The following CBFA2T3 variants were observed in gnomAD, a reference collection of about 807,000 sequenced individuals.
The protein encoded by CBFA2T3 is CBFA2/RUNX1 partner transcriptional co-repressor 3, also known as transcriptional corepressor CBFA2T3.
In CBFA2T3, 31 loss-of-function variants were observed where a neutral mutation model predicts 58.6. The ratio of observed to expected loss-of-function variants is 0.53; its 90% CI spans 0.40 to 0.71. The LOEUF (loss-of-function observed/expected upper bound fraction) is 0.71. CBFA2T3 is among the 30% of genes least tolerant of loss of function. The pLI is 0.00. For synonymous variants in CBFA2T3, 531 were observed against 421.9 expected, an observed-to-expected ratio of 1.26 and a Z score of -3.17; for missense variants, 1,076 against 963.1, an observed-to-expected ratio of 1.12 and a Z score of -1.55.
intron 1 of CBFA2T3, among the ~76,000 whole-genome samples, chr16:88,970,628 T>C (rs1972629395): frequency 6.6e-6 from 1 of 152,238 alleles, no homozygotes; most frequent in African/African-American, 2.4e-5. Context: ...CCTGAGTTCC[T>C]GGGAAAACTG....
chr16:88,924,490 A>C (rs1328708667), intron 1 of CBFA2T3, among the ~76,000 whole-genome samples: 1 of 152,100 alleles, frequency 6.6e-6, no homozygotes, highest in African/African-American at 2.4e-5. Flanking sequence ...AGCAATGGGC[A>C]GACACAGGCC....
intron 8 of CBFA2T3, 41 bp downstream of exon 8, chr16:88,882,635 T>C: frequency 7.4e-7 from 1 of 1,352,288 alleles, no homozygotes; most frequent in Non-Finnish European, 1.0e-6. Context: ...GCTGTGCGCC[T>C]GGGCATGGCT....
chr16:88,901,068 C>G (rs763759397), intron 2 of CBFA2T3, among the ~76,000 whole-genome samples: 1 of 152,262 alleles, frequency 6.6e-6, no homozygotes, highest in Non-Finnish European at 1.5e-5. Flanking sequence ...ACGCAGGTGA[C>G]CTGCTGTATG....
At chr16:88,940,265 C>A (rs1971670263) in intron 1 of CBFA2T3, 1 of 155,914 alleles carries the variant, frequency 6.4e-6, no homozygotes, top group South Asian at 1.8e-4. Flanking sequence ...GGAGCGCCAG[C>A]CCCGCAGTGT....
At chr16:88,960,855 A>T (rs1402332672) in intron 1 of CBFA2T3, among the ~76,000 whole-genome samples, 1 of 152,218 alleles carries the variant, frequency 6.6e-6, no homozygotes, top group African/African-American at 2.4e-5. Flanking sequence ...CATCACAGGG[A>T]GGTCTGCCAG....
Position 88,976,687 on chromosome 16 carries a change from C to A in CBFA2T3, c.121G>T (p.Ala41Ser), listed in dbSNP as rs762921435. The A allele has an allele frequency of 3.2e-6, 5 of 1,561,652 alleles. No homozygotes were observed. Among genetic ancestry groups the A allele is most frequent in the Non-Finnish European group, 4.3e-6 (5 of 1,153,018 alleles). ...SGLLASAGCS[A>S]PRGPRKGGPA... ...CCGCCCTTCCTGGGACCCCGGGGTG[C>A]GGAGCAGCCGGCAGATGCCAGGAGG... The change falls in exon 1 of 12, where the codon GCA becomes TCA. Residue 41 changes from alanine (A) to serine (S), a missense_variant. Ala to Ser is a moderately conservative substitution (Grantham distance 99). Transcript: ENST00000268679.
chr16:88,901,060 G>A (rs374938306), intron 2 of CBFA2T3, among the ~76,000 whole-genome samples: 5 of 152,374 alleles, frequency 3.3e-5, no homozygotes, highest in African/African-American at 9.6e-5. Flanking sequence ...GGGCCTGTAC[G>A]CAGGTGACCT....
rs758244363 is a variant in CBFA2T3, at chr16:88,905,186, G to A, written c.152-3530C>T. ...GGAGCTCTGCACAGCAGCAGCTGGC[G>A]CCGTCTCTGGGGCGGGCACATCGTC... On this transcript the variant is annotated intron_variant, in intron 1 of 11. Coordinates refer to ENST00000268679, the MANE Select transcript of CBFA2T3 (RefSeq NM_005187.6). Among the ~76,000 whole-genome samples, 6 of 152,200 alleles carry A rather than the reference G, an allele frequency of 3.9e-5. No homozygotes were observed. In the South Asian group the frequency reaches 1.2e-3, roughly 32 times the overall value.
At chr16:88,895,745 A>G (rs933289777) in intron 3 of CBFA2T3, among the ~76,000 whole-genome samples, 1 of 152,178 alleles carries the variant, frequency 6.6e-6, no homozygotes, top group Non-Finnish European at 1.5e-5. Context: ...GGGATGCTAC[A>G]GAGGCCCTCA....
chr16:88,951,663 T>C (rs1368118417), intron 1 of CBFA2T3: 2 of 350,324 alleles, frequency 5.7e-6, no homozygotes, highest in Admixed American at 7.9e-5. Context: ...AGGACAGTCA[T>C]GCAGGCAGCC....
intron 1 of CBFA2T3, among the ~76,000 whole-genome samples, chr16:88,923,225 C>G (rs1482064622): frequency 6.6e-6 from 1 of 152,218 alleles, no homozygotes; most frequent in African/African-American, 2.4e-5. Flanking sequence ...GGCGAGTCCC[C>G]TGGCCTTGCT....
chr16:88,885,312 T>C lies in CBFA2T3; in HGVS notation c.894-43A>G. On this transcript the variant is annotated intron_variant, in intron 6 of 11. Transcript: ENST00000268679. The surrounding 1 kb of genome is among the most constrained non-coding windows in gnomAD (Gnocchi z 5.3). ...TGGGGCGAGGGCAGTGGACATAGGA[T>C]GAACCGGGGACAGAGGTGCAGGTGG... 1 of 1,400,090 alleles carries C rather than the reference T, an allele frequency of 7.1e-7. No homozygotes were observed. The highest frequency in any genetic ancestry group is 9.6e-7 in the Non-Finnish European group (1 of 1,045,790). 86.7% of individuals were successfully genotyped at this position (1,400,090 alleles called of 1,614,324 possible).
chr16:88,907,139 G>A (rs1970365847), intron 1 of CBFA2T3, among the ~76,000 whole-genome samples: 1 of 152,190 alleles, frequency 6.6e-6, no homozygotes, highest in African/African-American at 2.4e-5. Context: ...TCAGCTGCAA[G>A]GGGACCCCGG....
At chr16:88,971,566 G>A (rs1430268845) in intron 1 of CBFA2T3, among the ~76,000 whole-genome samples, 1 of 152,198 alleles carries the variant, frequency 6.6e-6, no homozygotes, top group Non-Finnish European at 1.5e-5. Context: ...CCTGGGAGCG[G>A]CCGTCCTGGG....
chr16:88,915,817 T>C (rs1178933759), intron 1 of CBFA2T3, among the ~76,000 whole-genome samples: 2 of 151,516 alleles, frequency 1.3e-5, no homozygotes, highest in Non-Finnish European at 2.9e-5. Flanking sequence ...GCGGGCGCCC[T>C]GGTGGGCTGT....
chr16:88,975,249 C>G (rs940776296), intron 1 of CBFA2T3, among the ~76,000 whole-genome samples: 2 of 148,098 alleles, frequency 1.4e-5, no homozygotes, highest in South Asian at 2.1e-4. Context: ...GAGGCCCGCC[C>G]TGACCCTCTG....
At chr16:88,901,872 T>C (rs576330077) in intron 1 of CBFA2T3, among the ~76,000 whole-genome samples, 3 of 152,076 alleles carry the variant, frequency 2.0e-5, no homozygotes, top group East Asian at 1.9e-4. Flanking sequence ...TCATCTGAGG[T>C]GGCCGGCCAG....
intron 1 of CBFA2T3, among the ~76,000 whole-genome samples, chr16:88,963,312 G>GGGGT (rs1972416540): frequency 1.3e-5 from 2 of 151,808 alleles, no homozygotes; most frequent in African/African-American, 4.8e-5. Flanking sequence ...TCTTCTGCCA[G>GGGGT]GGGCGGGCGC....
intron 11 of CBFA2T3, 112 bp downstream of exon 11, chr16:88,879,158 C>A: frequency 2.2e-6 from 2 of 920,834 alleles, no homozygotes; most frequent in East Asian, 2.4e-5. Flanking sequence ...GCAGGATGCC[C>A]GTGACAACTG....
Sources: gnomAD v4.1 joint callset for allele counts (sites outside exome capture counted in the v4.1 genomes callset) on GRCh38, gnomAD v4.1.1 for gene constraint, Gnocchi (gnomAD v3.1) non-coding constraint, MANE v1.5 for transcripts, NCBI Gene and HGNC (gene_info 2026-07-23, HGNC 2026-07-21) for gene names.